Variants in CDH26 observed in about 807,000 individuals in gnomAD.
The protein encoded by CDH26 is cadherin 26.
In CDH26, 83 loss-of-function variants were observed where a neutral mutation model predicts 90.3. The observed-to-expected ratio is 0.92, with a 90% CI of 0.77 to 1.10. CDH26 has a LOEUF of 1.10. CDH26 is among the 50% of genes least tolerant of loss of function. The pLI is 0.00. For synonymous variants in CDH26, 397 were observed against 396.3 expected, an observed-to-expected ratio of 1.00 and a Z score of -0.02; for missense variants, 1,013 against 1,037.6, an observed-to-expected ratio of 0.98 and a Z score of 0.33.
At chr20:60,028,862 C>T (rs2062018701) in intron 7 of CDH26, among the ~76,000 whole-genome samples, 1 of 152,236 alleles carries the variant, frequency 6.6e-6, no homozygotes, top group African/African-American at 2.4e-5. Flanking sequence ...ATCCGGATCT[C>T]AAACAGGTAT....
downstream of CDH26, among the ~76,000 whole-genome samples, chr20:60,019,017 A>T (rs370532521): frequency 3.9e-5 from 6 of 152,086 alleles, no homozygotes; most frequent in African/African-American, 1.4e-4. Context: ...TGTTTTGTTT[A>T]CAGTACTTCG....
rs1468601074 is a variant in CDH26, at chr20:60,033,659, AG to A, written c.1320del (p.Ala441LeufsTer35). 1.4e-5 allele frequency: 18 copies of A among 1,304,468 alleles called. No individual in the cohort carries two copies. In the East Asian group the frequency reaches 8.9e-4, roughly 64 times the overall value. 80.8% of individuals were successfully genotyped at this position (1,304,468 alleles called of 1,614,324 possible). Reference sequence around the variant, plus strand: ...AGAATCGGCAGGTGGTCACAATTGCAGGGCTGTCTCAGGCTGAGCAGAGAGT... The same window carrying A: ...AGAATCGGCAGGTGGTCACAATTGCAGGCTGTCTCAGGCTGAGCAGAGAGT... On this transcript the variant is annotated frameshift_variant, in exon 9 of 9. Coordinates refer to the CDH26 transcript ENST00000370991. LOFTEE classifies it high-confidence loss of function.
intron 4 of CDH26, among the ~76,000 whole-genome samples, chr20:59,975,586 A>G (rs1330754743): frequency 1.3e-5 from 2 of 152,218 alleles, no homozygotes; most frequent in Non-Finnish European, 2.9e-5. Context: ...GAAATGGTCC[A>G]ATGAGAAGGA....
At position 59,999,651 on chromosome 20, in the gene CDH26, G is replaced by T; in HGVS notation, c.2085G>T (p.Thr695=). 6.2e-7 allele frequency: 1 copy of T among 1,614,042 alleles called. No homozygotes were observed. The highest frequency in any genetic ancestry group is 2.2e-5 in the East Asian group (1 of 44,878). ...TCTGCACAGCTGCAGCAGGACCCAC[G>T]CAGGGAGTTAAGGTAACATGCCCCT... ...LLICTAAAGP[T]QGVKDLEEVP... is the part of the protein sequence containing the mutation. Residue 695 remains threonine (T), a synonymous_variant, in exon 14 of 18, where the codon ACG becomes ACT. Transcript: ENST00000348616.
chr20:59,978,375 T>G (rs1464833639), intron 4 of CDH26, among the ~76,000 whole-genome samples: 1 of 151,844 alleles, frequency 6.6e-6, no homozygotes, highest in Non-Finnish European at 1.5e-5. Context: ...TTATTTATAC[T>G]TACTTTTTTT....
intron 17 of CDH26, among the ~76,000 whole-genome samples, chr20:60,008,351 C>T (rs1256002551): frequency 6.6e-6 from 1 of 152,058 alleles, no homozygotes; most frequent in East Asian, 1.9e-4. Context: ...TGTGGAAACC[C>T]AGGAACAAAG....
chr20:60,023,412 G>A (rs1320100752), intron 7 of CDH26, among the ~76,000 whole-genome samples: 1 of 152,186 alleles, frequency 6.6e-6, no homozygotes, highest in African/African-American at 2.4e-5. Context: ...TGTTCAGGCG[G>A]CAGGGGCTCA....
chr20:59,988,662 C>T (rs2061487466), intron 8 of CDH26, among the ~76,000 whole-genome samples: 1 of 152,042 alleles, frequency 6.6e-6, no homozygotes, highest in Non-Finnish European at 1.5e-5. Flanking sequence ...TCATTACCCT[C>T]TGAAGGATGG....
chr20:60,034,508 A>T (rs1055802738), downstream of CDH26, among the ~76,000 whole-genome samples: 4 of 152,100 alleles, frequency 2.6e-5, no homozygotes, highest in Admixed American at 2.0e-4. Context: ...CGTGGCTACC[A>T]GGGAGGGTGG....
chr20:60,026,702 T>C (rs1409393246), intron 7 of CDH26, among the ~76,000 whole-genome samples: 2 of 152,220 alleles, frequency 1.3e-5, no homozygotes, highest in Non-Finnish European at 2.9e-5. Context: ...GAGTGCAGCC[T>C]GGCTGATGCC....
chr20:59,965,978 A>C (rs2061143353), intron 1 of CDH26, among the ~76,000 whole-genome samples: 1 of 152,186 alleles, frequency 6.6e-6, no homozygotes, highest in Admixed American at 6.5e-5. Flanking sequence ...ATTAAAAAGA[A>C]ACTATTGCTA....
chr20:60,027,929 G>A (rs957331314), intron 7 of CDH26, among the ~76,000 whole-genome samples: 2 of 152,182 alleles, frequency 1.3e-5, no homozygotes, highest in Admixed American at 6.5e-5. Flanking sequence ...AATACAAAGA[G>A]GTCTCATACC....
intron 14 of CDH26, among the ~76,000 whole-genome samples, chr20:60,000,894 G>T (rs1190566716): frequency 6.6e-6 from 1 of 152,198 alleles, no homozygotes; most frequent in African/African-American, 2.4e-5. Context: ...TGAGACCATT[G>T]TCAAGGTCCA....
chr20:60,027,785 C>A (rs2426873), intron 7 of CDH26, among the ~76,000 whole-genome samples: 62,197 of 152,042 alleles, frequency 0.41, 13,832 homozygotes, highest in African/African-American at 0.58. Flanking sequence ...GTCTACCAAG[C>A]TGGAAGACCT....
At chr20:60,001,434 C>G (rs765454272) in intron 15 of CDH26, 23 bp downstream of exon 15, 29 of 1,612,090 alleles carry the variant, frequency 1.8e-5, no homozygotes, top group African/African-American at 2.7e-5. Flanking sequence ...AGGTTGCTCC[C>G]TGCTACGGCC....
chr20:59,959,385 C>A (rs894614566), intron 1 of CDH26, among the ~76,000 whole-genome samples: 1 of 151,416 alleles, frequency 6.6e-6, no homozygotes, highest in Non-Finnish European at 1.5e-5. Context: ...CAGGCATGAG[C>A]CACCTCACCC....
chr20:59,988,162 A>G (rs1033295533), intron 8 of CDH26, among the ~76,000 whole-genome samples: 1 of 152,204 alleles, frequency 6.6e-6, no homozygotes, highest in African/African-American at 2.4e-5. Flanking sequence ...TTTACTGATT[A>G]GGAAACCAAA....
chr20:60,020,897 T>G (rs1329269408), intron 7 of CDH26, among the ~76,000 whole-genome samples: 2 of 152,154 alleles, frequency 1.3e-5, no homozygotes, highest in Admixed American at 6.5e-5. Context: ...ATAGGGACTG[T>G]TAGTGATCTT....
chr20:59,997,932 A>G (rs2061620872), intron 13 of CDH26, among the ~76,000 whole-genome samples: 1 of 152,212 alleles, frequency 6.6e-6, no homozygotes, highest in Non-Finnish European at 1.5e-5. Flanking sequence ...TGAAGGAGGG[A>G]AGGGAGCAGC....
Sources: allele counts gnomAD v4.1 joint callset (sites outside exome capture counted in the v4.1 genomes callset), GRCh38; gene constraint gnomAD v4.1.1; transcripts MANE v1.5; gene names NCBI Gene and HGNC (gene_info 2026-07-23, HGNC 2026-07-21).